ARHGAP25: variants seen among roughly 807,000 people sequenced by gnomAD.
ARHGAP25 encodes the protein rho GTPase-activating protein 25.
Under a neutral mutation model 71.0 loss-of-function variants are expected in ARHGAP25, and 34 were observed. That is an observed-to-expected ratio of 0.48 (90% CI 0.36 to 0.64). The LOEUF (loss-of-function observed/expected upper bound fraction) is 0.64, where lower values mean the gene tolerates loss of function less well. Ranked by LOEUF, ARHGAP25 falls within the 30% of genes least tolerant of loss-of-function variation. ARHGAP25 has a pLI of 0.00. For synonymous variants in ARHGAP25, 282 were observed against 296.5 expected, an observed-to-expected ratio of 0.95 and a Z score of 0.50; for missense variants, 706 against 805.1, an observed-to-expected ratio of 0.88 and a Z score of 1.49.
chr2:68,729,810 G>C (rs1459874588), intron 2 of ARHGAP25, among the ~76,000 whole-genome samples: 1 of 152,154 alleles, frequency 6.6e-6, no homozygotes, highest in East Asian at 1.9e-4. Flanking sequence ...ACAATTCAGT[G>C]ATTTAGCAAT....
intron 1 of ARHGAP25, among the ~76,000 whole-genome samples, chr2:68,756,290 A>G (rs1478910405): frequency 6.6e-6 from 1 of 152,202 alleles, no homozygotes; most frequent in Non-Finnish European, 1.5e-5. Context: ...ACCCTGTCCT[A>G]CAAATAACAG....
At chr2:68,821,324 T>G (rs1321807587) in intron 9 of ARHGAP25, among the ~76,000 whole-genome samples, 2 of 152,120 alleles carry the variant, frequency 1.3e-5, no homozygotes, top group African/African-American at 2.4e-5. Flanking sequence ...GGCCTTGAAC[T>G]CCTGAGCTCA....
At chr2:68,719,709 C>T (rs1288198525) in intron 2 of ARHGAP25, among the ~76,000 whole-genome samples, 1 of 152,088 alleles carries the variant, frequency 6.6e-6, no homozygotes, top group African/African-American at 2.4e-5. Flanking sequence ...CCTGCTATGA[C>T]CCAGGCACTT....
intron 2 of ARHGAP25, among the ~76,000 whole-genome samples, chr2:68,727,846 G>A (rs1674921595): frequency 6.6e-6 from 1 of 152,262 alleles, no homozygotes; most frequent in South Asian, 2.1e-4. Context: ...CGATGGAGAA[G>A]GAGAGGGAGA....
At chr2:68,716,449 C>T (rs1200385467) in intron 2 of ARHGAP25, among the ~76,000 whole-genome samples, 1 of 152,154 alleles carries the variant, frequency 6.6e-6, no homozygotes, top group African/African-American at 2.4e-5. Flanking sequence ...AAAATGCAGA[C>T]CATTCAAGGT....
chr2:68,818,867 A>G (rs531320878), intron 8 of ARHGAP25, among the ~76,000 whole-genome samples: 1 of 152,332 alleles, frequency 6.6e-6, no homozygotes, highest in African/African-American at 2.4e-5. Flanking sequence ...CTGATCAAAA[A>G]CTAATCCAGT....
rs369807257 is a variant in ARHGAP25, at chr2:68,775,272, C to T, written c.113C>T (p.Ser38Leu). The change falls in exon 2 of 11, where the codon TCG becomes TTG. Residue 38 changes from serine (S) to leucine (L), a missense_variant. Coordinates refer to ENST00000409202, the MANE Select transcript of ARHGAP25 (RefSeq NM_001007231.3). ...GAGCAGATGGCTGCCTTCCATCCAT[C>T]GTCCACCCCCAACCCGCTGGAGAGG... ...TGEQMAAFHP[S>L]STPNPLERPI... The T allele has an allele frequency of 1.4e-5, 23 of 1,614,140 alleles. No homozygotes were observed. The highest frequency in any genetic ancestry group is 1.9e-5 in the Non-Finnish European group (22 of 1,180,058).
intron 2 of ARHGAP25, among the ~76,000 whole-genome samples, chr2:68,780,736 A>C (rs542577375): frequency 6.6e-6 from 1 of 150,866 alleles, no homozygotes; most frequent in African/African-American, 2.4e-5. Flanking sequence ...TCTCAGTCTT[A>C]GGCATTTTTA....
chr2:68,804,775 G>A (rs941856292), intron 4 of ARHGAP25, among the ~76,000 whole-genome samples: 2 of 152,130 alleles, frequency 1.3e-5, no homozygotes, highest in East Asian at 1.9e-4. Context: ...AAGAAATGCC[G>A]AATAACCATT....
At chr2:68,722,974 C>A (rs1674798726) in intron 2 of ARHGAP25, among the ~76,000 whole-genome samples, 1 of 152,206 alleles carries the variant, frequency 6.6e-6, no homozygotes, top group South Asian at 2.1e-4. Flanking sequence ...TGTGCTCCAG[C>A]AGAGGGCTCC....
At chr2:68,712,609 C>T (rs1200348857) in intron 2 of ARHGAP25, among the ~76,000 whole-genome samples, 1 of 152,082 alleles carries the variant, frequency 6.6e-6, no homozygotes, top group East Asian at 1.9e-4. Flanking sequence ...ATGGTATTGC[C>T]TAGGTTTTCT....
chr2:68,746,712 C>CCG (rs561489815), intron 1 of ARHGAP25, among the ~76,000 whole-genome samples: 134 of 151,570 alleles, frequency 8.8e-4, no homozygotes, highest in African/African-American at 3.0e-3. Context: ...CACCCCCCTC[C>CCG]CCATCCCCAC....
chr2:68,731,919 C>A (rs543269338), upstream of ARHGAP25, among the ~76,000 whole-genome samples: 1 of 152,110 alleles, frequency 6.6e-6, no homozygotes, highest in Non-Finnish European at 1.5e-5. Flanking sequence ...AGACAACAGC[C>A]GGTGTCAGGG....
intron 1 of ARHGAP25, 61 bp from the exon 2 acceptor site, chr2:68,775,160 C>A (rs1558628229): frequency 1.2e-6 from 2 of 1,613,346 alleles, no homozygotes; most frequent in East Asian, 4.5e-5. Flanking sequence ...TCCTCTCCGC[C>A]CACTCTTTGC....
chr2:68,753,084 G>GT (rs1032456334), intron 1 of ARHGAP25, among the ~76,000 whole-genome samples: 25 of 151,888 alleles, frequency 1.6e-4, no homozygotes, highest in Middle Eastern at 3.4e-3. Context: ...TGGATGGGGG[G>GT]GGTGATAAAA....
chr2:68,712,030 A>G (rs1674496624), intron 2 of ARHGAP25, among the ~76,000 whole-genome samples: 1 of 152,232 alleles, frequency 6.6e-6, no homozygotes, highest in Admixed American at 6.5e-5. Context: ...TTATATACCC[A>G]GTAATGGGAA....
At chr2:68,718,568 T>C (rs368290889) in intron 2 of ARHGAP25, among the ~76,000 whole-genome samples, 3 of 152,026 alleles carry the variant, frequency 2.0e-5, no homozygotes, top group African/African-American at 4.8e-5. Flanking sequence ...GATAGATAAA[T>C]AGATAGATAC....
At chr2:68,757,250 T>C (rs1412898400) in intron 1 of ARHGAP25, among the ~76,000 whole-genome samples, 1 of 152,052 alleles carries the variant, frequency 6.6e-6, no homozygotes, top group African/African-American at 2.4e-5. Flanking sequence ...AGAGAGAATA[T>C]TTGAAGAAAT....
intron 3 of ARHGAP25, among the ~76,000 whole-genome samples, chr2:68,782,730 T>A (rs1233388945): frequency 1.3e-5 from 2 of 152,216 alleles, no homozygotes; most frequent in African/African-American, 4.8e-5. Flanking sequence ...GCCATTTTGA[T>A]GGGTCAAAAA....
Sources: gnomAD v4.1 joint callset for allele counts (sites outside exome capture counted in the v4.1 genomes callset) on GRCh38, gnomAD v4.1.1 for gene constraint, MANE v1.5 for transcripts, NCBI Gene and HGNC (gene_info 2026-07-23, HGNC 2026-07-21) for gene names.